Variants in SLC25A26 observed in about 807,000 individuals in gnomAD.
SLC25A26 encodes mitochondrial S-adenosylmethionine carrier protein.
SLC25A26 carries 36 observed loss-of-function variants against 37.8 expected under a neutral mutation model. The observed-to-expected ratio is 0.95, with a 90% CI of 0.73 to 1.26. The LOEUF (loss-of-function observed/expected upper bound fraction) is 1.26. Ranked by LOEUF, SLC25A26 falls within the 50% of genes most tolerant of loss-of-function variation. SLC25A26 has a pLI of 0.00. For synonymous variants in SLC25A26, 129 were observed against 122.5 expected (o/e 1.05, Z -0.35); for missense variants, 390 against 331.1 (o/e 1.18, Z -1.38).
intron 5 of SLC25A26, among the ~76,000 whole-genome samples, chr3:66,286,323 C>T (rs756454631): frequency 6.6e-6 from 1 of 152,100 alleles, no homozygotes; most frequent in African/African-American, 2.4e-5. Flanking sequence ...TTTTATAGCT[C>T]TATGTTTTAC....
At chr3:66,343,157 C>T (rs755370618) in intron 5 of SLC25A26, among the ~76,000 whole-genome samples, 9 of 152,274 alleles carry the variant, frequency 5.9e-5, no homozygotes, top group Admixed American at 1.3e-4. Flanking sequence ...GACGGGCCCA[C>T]GTTCTGTAGA....
intron 5 of SLC25A26, among the ~76,000 whole-genome samples, chr3:66,271,696 C>G (rs2073963873): frequency 2.0e-5 from 3 of 152,090 alleles, no homozygotes; most frequent in Non-Finnish European, 4.4e-5. Flanking sequence ...CTGCCGTATT[C>G]TGTCCCTTCA....
intron 5 of SLC25A26, among the ~76,000 whole-genome samples, chr3:66,292,613 A>T (rs2074751798): frequency 6.6e-6 from 1 of 152,182 alleles, no homozygotes; most frequent in Middle Eastern, 3.2e-3. Context: ...AGAATGTTGA[A>T]TATTGGCCTC....
Position 66,222,182 on chromosome 3 carries a change from AT to A in SLC25A26, c.33+1072del, listed in dbSNP as rs373274771. On this transcript the variant is annotated intron_variant, in intron 1 of 9. Coordinates refer to ENST00000354883, the MANE Select transcript of SLC25A26 (RefSeq NM_001379210.1). ...GAAATATAAAGAAATAATGTTACTG[AT>A]TTTTTTTTTTTTTTTTGAGAAGGAG... Among the ~76,000 whole-genome samples, 1,208 of 139,712 alleles carry A rather than the reference AT, an allele frequency of 8.6e-3. 9 individuals carry two copies. The highest frequency in any genetic ancestry group is 0.022 in the African/African-American group (839 of 37,950). 91.7% of individuals were successfully genotyped at this position (139,712 alleles called of 152,430 possible).
chr3:66,300,251 GTTTTGTT>G (rs1359952486), intron 5 of SLC25A26, among the ~76,000 whole-genome samples: 2 of 111,616 alleles, frequency 1.8e-5, no homozygotes, highest in African/African-American at 6.6e-5. Context: ...GGGTTTTTTT[GTTTTGTT>G]TTTTTTTTTT....
chr3:66,372,444 C>T (rs2107853697), intron 9 of SLC25A26, among the ~76,000 whole-genome samples: 1 of 152,298 alleles, frequency 6.6e-6, no homozygotes, highest in African/African-American at 2.4e-5. Context: ...CTGGTTGTGG[C>T]ATGTCTTATA....
At chr3:66,162,057 G>GAGCCTAGAAGTCGGAGATCA (rs955449557) in intron 1 of SLC25A26, among the ~76,000 whole-genome samples, 1 of 152,124 alleles carries the variant, frequency 6.6e-6, no homozygotes, top group African/African-American at 2.4e-5. Context: ...CACAGTTCTG[G>GAGCCTAGAAGTCGGAGATCA]AGCCTAGAAG....
intron 1 of SLC25A26, among the ~76,000 whole-genome samples, chr3:66,209,989 T>C (rs1259764190): frequency 7.8e-6 from 1 of 128,100 alleles, no homozygotes; most frequent in South Asian, 2.7e-4. Flanking sequence ...AAGATGTCTA[T>C]AGCAATACCA....
chr3:66,267,609 C>T (rs773283025), intron 5 of SLC25A26, among the ~76,000 whole-genome samples: 12 of 152,226 alleles, frequency 7.9e-5, no homozygotes, highest in Admixed American at 6.5e-4. Context: ...CAAGATGTAG[C>T]CATTTTAATA....
chr3:66,350,986 T>C (rs1471061183), intron 6 of SLC25A26, among the ~76,000 whole-genome samples: 1 of 152,120 alleles, frequency 6.6e-6, no homozygotes, highest in African/African-American at 2.4e-5. Flanking sequence ...ACCCACCATA[T>C]TGTGTTTAAA....
intron 1 of SLC25A26, among the ~76,000 whole-genome samples, chr3:66,155,784 C>T (rs1224068584): frequency 6.6e-6 from 1 of 152,152 alleles, no homozygotes; most frequent in Non-Finnish European, 1.5e-5. Flanking sequence ...CAGACTCTCT[C>T]GCTCTCTCCC....
At chr3:66,254,091 C>A (rs2073205911) in intron 3 of SLC25A26, among the ~76,000 whole-genome samples, 2 of 152,064 alleles carry the variant, frequency 1.3e-5, no homozygotes, top group African/African-American at 4.8e-5. Flanking sequence ...TGGAAAGAGT[C>A]TTATAAGGGG....
At chr3:66,313,478 T>C (rs2075442469) in intron 5 of SLC25A26, among the ~76,000 whole-genome samples, 1 of 152,208 alleles carries the variant, frequency 6.6e-6, no homozygotes, top group South Asian at 2.1e-4. Flanking sequence ...CATTGGTCTA[T>C]GTGTCTGTTT....
At chr3:66,213,996 A>C (rs1042469841) in intron 1 of SLC25A26, among the ~76,000 whole-genome samples, 1 of 152,218 alleles carries the variant, frequency 6.6e-6, no homozygotes, top group Non-Finnish European at 1.5e-5. Context: ...TTCATTAAAA[A>C]TGATCAGTAA....
intron 2 of SLC25A26, 127 bp downstream of exon 2, chr3:66,236,827 T>C: frequency 1.5e-6 from 1 of 658,338 alleles, no homozygotes; most frequent in Non-Finnish European, 2.3e-6. Context: ...TTCTTTAACC[T>C]GGTGTCATTA....
chr3:66,134,633 G>T (rs1429544221), intron 1 of SLC25A26, among the ~76,000 whole-genome samples: 1 of 152,092 alleles, frequency 6.6e-6, no homozygotes, highest in African/African-American at 2.4e-5. Context: ...AGTACTTTTT[G>T]TTATTGAAAT....
At chr3:66,280,065 G>A (rs1037331546) in intron 5 of SLC25A26, among the ~76,000 whole-genome samples, 3 of 152,050 alleles carry the variant, frequency 2.0e-5, no homozygotes, top group Non-Finnish European at 4.4e-5. Flanking sequence ...TTATCTTTTT[G>A]TTCACACAAT....
intron 5 of SLC25A26, among the ~76,000 whole-genome samples, chr3:66,286,989 G>A (rs887345660): frequency 6.6e-6 from 1 of 151,878 alleles, no homozygotes; most frequent in African/African-American, 2.4e-5. Flanking sequence ...TTGATATGAT[G>A]GCTATCTTAA....
chr3:66,236,259 T>C (rs2072279162), intron 1 of SLC25A26, among the ~76,000 whole-genome samples: 1 of 146,250 alleles, frequency 6.8e-6, no homozygotes, highest in African/African-American at 2.5e-5. Context: ...GTGAGTACTA[T>C]ATTAACAATG....
Sources: gnomAD v4.1 joint callset for allele counts (sites outside exome capture counted in the v4.1 genomes callset) on GRCh38, gnomAD v4.1.1 for gene constraint, MANE v1.5 for transcripts, NCBI Gene and HGNC (gene_info 2026-07-23, HGNC 2026-07-21) for gene names.